The following CADM2 variants were observed in gnomAD, a reference collection of about 807,000 sequenced individuals.
The protein encoded by CADM2 is cell adhesion molecule 2, also known as immunoglobulin superfamily member 4D.
In CADM2, 12 loss-of-function variants were observed where a neutral mutation model predicts 49.8. That is an observed-to-expected ratio of 0.24 (90% CI 0.15 to 0.39). The LOEUF (loss-of-function observed/expected upper bound fraction) is 0.39. CADM2 is among the 10% of genes least tolerant of loss of function. The pLI, the probability that CADM2 is intolerant of heterozygous loss-of-function variation, is 1.00. For synonymous variants in CADM2, 214 were observed against 175.4 expected (o/e 1.22, Z -1.74); for missense variants, 378 against 492.3 (o/e 0.77, Z 2.20).
chr3:85,227,616 G>C (rs1336900747), intron 1 of CADM2, among the ~76,000 whole-genome samples: 3 of 151,746 alleles, frequency 2.0e-5, no homozygotes, highest in African/African-American at 4.8e-5. Context: ...CTTTTAATTG[G>C]GGCATTTAGC....
chr3:85,568,845 TGATCCGTCCACCTC>T (rs2062395580), intron 1 of CADM2, among the ~76,000 whole-genome samples: 1 of 151,950 alleles, frequency 6.6e-6, no homozygotes, highest in Non-Finnish European at 1.5e-5. Flanking sequence ...TGACTTCAGG[TGATCCGTCCACCTC>T]GGCCTTCCAA....
intron 1 of CADM2, among the ~76,000 whole-genome samples, chr3:85,341,725 A>G (rs182917990): frequency 3.9e-5 from 6 of 152,184 alleles, no homozygotes; most frequent in Admixed American, 3.9e-4. Flanking sequence ...AAAGAGAGCT[A>G]AAGTGCAATG....
chr3:85,316,934 A>G (rs1168870582), intron 1 of CADM2, among the ~76,000 whole-genome samples: 1 of 152,186 alleles, frequency 6.6e-6, no homozygotes, highest in African/African-American at 2.4e-5. Flanking sequence ...ACTAAAATAT[A>G]GTGGCTAAAG....
At chr3:85,515,631 A>ATATATTTTTTT (rs1159969286) in intron 1 of CADM2, among the ~76,000 whole-genome samples, 4 of 118,408 alleles carry the variant, frequency 3.4e-5, no homozygotes, top group African/African-American at 1.3e-4. Context: ...ATATATATAT[A>ATATATTTTTTT]TTTTTTTTTT....
intron 1 of CADM2, among the ~76,000 whole-genome samples, chr3:85,049,327 G>GTTTATTTATTTATTTA (rs141705505): frequency 0.011 from 1,648 of 146,210 alleles, 27 homozygotes; most frequent in African/African-American, 0.029. Context: ...TGCAGGTTTA[G>GTTTATTTATTTATTTA]TTTATTTATT....
At chr3:85,969,043 G>A (rs1725800979) in intron 8 of CADM2, among the ~76,000 whole-genome samples, 1 of 151,482 alleles carries the variant, frequency 6.6e-6, no homozygotes, top group South Asian at 2.1e-4. Flanking sequence ...CATTCCCAAA[G>A]TGGGCACTTC....
At chr3:85,262,907 A>T (rs904796472) in intron 1 of CADM2, among the ~76,000 whole-genome samples, 3 of 150,334 alleles carry the variant, frequency 2.0e-5, no homozygotes, top group African/African-American at 5.0e-5. Flanking sequence ...TGTAAATATG[A>T]TGTATTTACT....
intron 2 of CADM2, among the ~76,000 whole-genome samples, chr3:85,783,413 G>C (rs548312678): frequency 6.6e-6 from 1 of 152,302 alleles, no homozygotes; most frequent in South Asian, 2.1e-4. Flanking sequence ...AGTTTCTGCT[G>C]TGGTAACATT....
chr3:84,973,607 A>T (rs2031615119), intron 1 of CADM2, among the ~76,000 whole-genome samples: 2 of 152,142 alleles, frequency 1.3e-5, no homozygotes, highest in Non-Finnish European at 2.9e-5. Flanking sequence ...AATGTAGGGG[A>T]GAAGAGGTCT....
At chr3:85,999,270 T>TG (rs1559791853) in intron 8 of CADM2, among the ~76,000 whole-genome samples, 15 of 134,142 alleles carry the variant, frequency 1.1e-4, no homozygotes, top group African/African-American at 4.8e-4. Context: ...AGGCCGAGGG[T>TG]TGGGGGGTGG....
At chr3:85,360,089 C>T (rs2032247061) in intron 1 of CADM2, among the ~76,000 whole-genome samples, 2 of 151,582 alleles carry the variant, frequency 1.3e-5, no homozygotes, top group African/African-American at 2.4e-5. Context: ...TAATTTTTTT[C>T]ATTTTGGAAA....
At chr3:85,214,764 G>A (rs2041881721) in intron 1 of CADM2, among the ~76,000 whole-genome samples, 1 of 151,958 alleles carries the variant, frequency 6.6e-6, no homozygotes, top group Non-Finnish European at 1.5e-5. Context: ...AGTACTGCCT[G>A]GCTACCACTG....
chr3:85,592,706 TTTATTA>T (rs71653755), intron 1 of CADM2, among the ~76,000 whole-genome samples: 1 of 151,270 alleles, frequency 6.6e-6, no homozygotes, highest in Admixed American at 6.6e-5. Flanking sequence ...GTTCTGGATT[TTTATTA>T]TTATTATTAT....
intron 1 of CADM2, among the ~76,000 whole-genome samples, chr3:85,387,775 C>G (rs923692926): frequency 5.9e-5 from 9 of 151,758 alleles, no homozygotes; most frequent in African/African-American, 2.2e-4. Flanking sequence ...TTTTTCAATA[C>G]GATTACATTT....
intron 2 of CADM2, among the ~76,000 whole-genome samples, chr3:85,796,082 T>C (rs1364833347): frequency 1.3e-5 from 2 of 152,226 alleles, no homozygotes; most frequent in African/African-American, 4.8e-5. Context: ...TTTCCACTTA[T>C]TTAAAGAAGC....
intron 1 of CADM2, among the ~76,000 whole-genome samples, chr3:85,076,894 C>A (rs1401834443): frequency 6.6e-6 from 1 of 152,074 alleles, no homozygotes; most frequent in Non-Finnish European, 1.5e-5. Flanking sequence ...ATCGCTTGAA[C>A]CCAGGAGGTG....
chr3:84,970,274 AT>A (rs5850655), intron 1 of CADM2, among the ~76,000 whole-genome samples: 29 of 147,174 alleles, frequency 2.0e-4, no homozygotes, highest in East Asian at 2.0e-4. Context: ...ATTGAATTTG[AT>A]TTTTTTTTTT....
chr3:85,348,886 T>C (rs2031049214), intron 1 of CADM2, among the ~76,000 whole-genome samples: 1 of 152,178 alleles, frequency 6.6e-6, no homozygotes, highest in South Asian at 2.1e-4. Flanking sequence ...AGAAAAATAA[T>C]TTATTTTTTC....
intron 3 of CADM2, among the ~76,000 whole-genome samples, chr3:85,854,827 C>T (rs1213328977): frequency 6.6e-6 from 1 of 151,778 alleles, no homozygotes; most frequent in Non-Finnish European, 1.5e-5. Flanking sequence ...GTATGTGTGT[C>T]ATGTCTCTAA....
Sources: gnomAD v4.1 joint callset for allele counts (sites outside exome capture counted in the v4.1 genomes callset) on GRCh38, gnomAD v4.1.1 for gene constraint, MANE v1.5 for transcripts, NCBI Gene and HGNC (gene_info 2026-07-23, HGNC 2026-07-21) for gene names.